Variants in CSMD1 observed in about 807,000 individuals in gnomAD.
CSMD1 encodes CUB and Sushi multiple domains 1, also known as CUB and sushi domain-containing protein 1.
Under a neutral mutation model 417.5 loss-of-function variants are expected in CSMD1, and 213 were observed. That is an observed-to-expected ratio of 0.51 (90% CI 0.46 to 0.57). The LOEUF (loss-of-function observed/expected upper bound fraction) is 0.57. CSMD1 is among the 20% of genes least tolerant of loss of function. CSMD1 has a pLI of 0.00. For missense variants in CSMD1, 6,923 were observed against 4,529.7 expected (o/e 1.53, Z -15.17); for synonymous variants, 2,862 against 1,736.8 (o/e 1.65, Z -16.11).
chr8:4,303,964 C>T (rs1308691310), intron 3 of CSMD1, among the ~76,000 whole-genome samples: 1 of 152,166 alleles, frequency 6.6e-6, no homozygotes, highest in African/African-American at 2.4e-5. Context: ...TTTCCCTCTT[C>T]CTTTTGCCTC....
chr8:4,309,636 T>C (rs997556701), intron 3 of CSMD1, among the ~76,000 whole-genome samples: 8 of 152,160 alleles, frequency 5.3e-5, no homozygotes, highest in Non-Finnish European at 1.0e-4. Context: ...GGAAGGGGCA[T>C]ACTGCTACTG....
intron 51 of CSMD1, among the ~76,000 whole-genome samples, chr8:3,024,175 G>C (rs1175580090): frequency 1.3e-5 from 2 of 151,830 alleles, no homozygotes; most frequent in Non-Finnish European, 2.9e-5. Context: ...GGAAACATGA[G>C]AGATAAATGT....
chr8:3,562,277 A>G (rs1176233977), intron 10 of CSMD1, among the ~76,000 whole-genome samples: 2 of 152,174 alleles, frequency 1.3e-5, no homozygotes, highest in Non-Finnish European at 2.9e-5. Flanking sequence ...CAAAACATCA[A>G]CTGATGAGAG....
At chr8:4,337,112 G>T (rs569193647) in intron 3 of CSMD1, among the ~76,000 whole-genome samples, 3 of 152,112 alleles carry the variant, frequency 2.0e-5, no homozygotes, top group African/African-American at 7.2e-5. Context: ...ACGTACAGGA[G>T]ACCGAAGCAT....
intron 4 of CSMD1, among the ~76,000 whole-genome samples, chr8:4,008,790 T>C (rs185862151): frequency 7.4e-4 from 112 of 151,900 alleles, no homozygotes; most frequent in Non-Finnish European, 1.1e-3. Context: ...TTTTGTGTTT[T>C]TGGTAGAGAC....
At chr8:3,644,790 T>A (rs763421385) in intron 7 of CSMD1, among the ~76,000 whole-genome samples, 5 of 151,556 alleles carry the variant, frequency 3.3e-5, no homozygotes, top group African/African-American at 4.9e-5. Flanking sequence ...AAGCGTGCAG[T>A]TTATACAGCA....
At chr8:3,151,196 G>T in intron 40 of CSMD1, 1 of 498,290 alleles carries the variant, frequency 2.0e-6, no homozygotes, top group South Asian at 3.3e-5. Context: ...GCCTTGAAAA[G>T]AGTTGCATGG....
intron 1 of CSMD1, among the ~76,000 whole-genome samples, chr8:4,983,274 A>C (rs1371609408): frequency 6.6e-6 from 1 of 152,212 alleles, no homozygotes; most frequent in Non-Finnish European, 1.5e-5. Context: ...CCCTAGGTCA[A>C]CTCTTCAACG....
intron 1 of CSMD1, among the ~76,000 whole-genome samples, chr8:4,839,664 A>G (rs1800720302): frequency 6.6e-6 from 1 of 152,210 alleles, no homozygotes; most frequent in African/African-American, 2.4e-5. Context: ...TGAAACTAAG[A>G]CATCAGATTT....
chr8:3,839,647 C>T (rs1431483866), intron 5 of CSMD1, among the ~76,000 whole-genome samples: 1 of 136,504 alleles, frequency 7.3e-6, no homozygotes, highest in African/African-American at 2.8e-5. Flanking sequence ...AGTGACACTT[C>T]AACTCAGAAA....
intron 2 of CSMD1, among the ~76,000 whole-genome samples, chr8:4,460,324 G>C (rs1399105349): frequency 1.3e-5 from 2 of 151,988 alleles, no homozygotes; most frequent in African/African-American, 4.8e-5. Flanking sequence ...TGTATGAAAT[G>C]CAACTGAAGA....
intron 1 of CSMD1, among the ~76,000 whole-genome samples, chr8:4,658,120 T>C (rs1804359704): frequency 1.3e-5 from 2 of 151,546 alleles, no homozygotes; most frequent in Non-Finnish European, 2.9e-5. Flanking sequence ...CCATGAAACA[T>C]AACAATATAT....
At chr8:4,058,142 G>A (rs1019805771) in intron 3 of CSMD1, among the ~76,000 whole-genome samples, 13 of 152,194 alleles carry the variant, frequency 8.5e-5, no homozygotes, top group Non-Finnish European at 1.5e-4. Flanking sequence ...CCATTTTCAC[G>A]ATATTGACTC....
At chr8:4,635,067 A>G (rs937992322) in intron 2 of CSMD1, among the ~76,000 whole-genome samples, 2 of 152,170 alleles carry the variant, frequency 1.3e-5, no homozygotes, top group African/African-American at 4.8e-5. Flanking sequence ...AGGACAATAA[A>G]CAAGTAGAAA....
chr8:4,264,546 T>G lies in CSMD1; in HGVS notation c.415+155407A>C, dbSNP rs74328883. On this transcript the variant is annotated intron_variant, in intron 3 of 69. Transcript: ENST00000635120. ...AGAAGCTCCGTTACTTAAAGCCCTG[T>G]TTTTAAGGGTTAGCAAGCATTTTAT... Among the ~76,000 whole-genome samples, 937 of 152,232 alleles carry G rather than the reference T, an allele frequency of 6.2e-3. 13 individuals carry two copies. Among genetic ancestry groups the G allele is most frequent in the African/African-American group, 0.021 (890 of 41,544 alleles).
intron 10 of CSMD1, among the ~76,000 whole-genome samples, chr8:3,519,032 C>A (rs1032315963): frequency 5.3e-5 from 8 of 152,174 alleles, no homozygotes; most frequent in African/African-American, 1.7e-4. Flanking sequence ...ACTTCTGTTT[C>A]TATCGCAACA....
intron 3 of CSMD1, among the ~76,000 whole-genome samples, chr8:4,151,044 G>T (rs4875292): frequency 0.32 from 48,016 of 151,970 alleles, 8,961 homozygotes; most frequent in Non-Finnish European, 0.41. Flanking sequence ...GTAATAAAAC[G>T]GTTGAGGAGC....
intron 1 of CSMD1, among the ~76,000 whole-genome samples, chr8:4,725,707 C>T (rs1208748451): frequency 6.6e-6 from 1 of 152,160 alleles, no homozygotes. Flanking sequence ...AGAAAATCCC[C>T]ATTTATCTCA....
intron 1 of CSMD1, among the ~76,000 whole-genome samples, chr8:4,638,527 G>T (rs565275085): frequency 2.6e-5 from 4 of 152,206 alleles, no homozygotes; most frequent in Non-Finnish European, 5.9e-5. Flanking sequence ...CCTCACTATT[G>T]ATGTCTACCC....
Sources: allele counts gnomAD v4.1 joint callset (sites outside exome capture counted in the v4.1 genomes callset), GRCh38; gene constraint gnomAD v4.1.1; transcripts MANE v1.5; gene names NCBI Gene and HGNC (gene_info 2026-07-23, HGNC 2026-07-21).